The following ADGRL3 variants were observed in gnomAD, a reference collection of about 807,000 sequenced individuals.
ADGRL3 encodes adhesion G protein-coupled receptor L3.
ADGRL3 carries 62 observed loss-of-function variants against 153.5 expected under a neutral mutation model. That is an observed-to-expected ratio of 0.40 (90% CI 0.33 to 0.50). The LOEUF is 0.50. Among genes scored for constraint, ADGRL3 ranks in the 20% least tolerant of loss-of-function variants. ADGRL3 has a pLI of 0.47. For missense variants in ADGRL3, 1,641 were observed against 1,859.4 expected, an observed-to-expected ratio of 0.88 and a Z score of 2.16; for synonymous variants, 710 against 672.5, an observed-to-expected ratio of 1.06 and a Z score of -0.86.
chr4:61,539,874 G>T (rs2098680072), intron 4 of ADGRL3, among the ~76,000 whole-genome samples: 1 of 152,096 alleles, frequency 6.6e-6, no homozygotes, highest in Non-Finnish European at 1.5e-5. Context: ...GAGCCTTTCT[G>T]CTTCCCTTTT....
intron 6 of ADGRL3, among the ~76,000 whole-genome samples, chr4:61,686,530 G>A (rs59147026): frequency 0.027 from 4,041 of 152,032 alleles, 123 homozygotes; most frequent in East Asian, 0.17. Context: ...ACATAATTGT[G>A]CACATTTATG....
intron 2 of ADGRL3, among the ~76,000 whole-genome samples, chr4:61,474,171 A>G (rs1382573261): frequency 6.6e-6 from 1 of 152,198 alleles, no homozygotes; most frequent in Non-Finnish European, 1.5e-5. Context: ...TTTGGTGTGC[A>G]CTGAGAATGT....
chr4:61,848,666 A>C (rs1359531645), intron 9 of ADGRL3, among the ~76,000 whole-genome samples: 1 of 152,066 alleles, frequency 6.6e-6, no homozygotes, highest in Admixed American at 6.6e-5. Context: ...AATTTTATCC[A>C]AGAGACTATT....
intron 2 of ADGRL3, among the ~76,000 whole-genome samples, chr4:61,402,323 A>C (rs556392249): frequency 3.9e-5 from 6 of 152,110 alleles, no homozygotes; most frequent in African/African-American, 1.2e-4. Context: ...ATATTCAAAA[A>C]ATTTTTTTAA....
chr4:61,686,488 T>C (rs1341966776), intron 6 of ADGRL3, among the ~76,000 whole-genome samples: 5 of 152,128 alleles, frequency 3.3e-5, no homozygotes, highest in Non-Finnish European at 5.9e-5. Flanking sequence ...ATTCAAATAC[T>C]TATTTATTAA....
At chr4:61,676,771 T>C in intron 5 of ADGRL3, 55 bp from the exon 6 acceptor site, 1 of 1,156,140 alleles carries the variant, frequency 8.6e-7, no homozygotes, top group Non-Finnish European at 1.3e-6. Flanking sequence ...TTGATGTTGA[T>C]AATAATTTAA....
chr4:61,347,026 C>T (rs1463464832), intron 1 of ADGRL3, among the ~76,000 whole-genome samples: 1 of 151,944 alleles, frequency 6.6e-6, no homozygotes, highest in Non-Finnish European at 1.5e-5. Context: ...TTAGCAAATG[C>T]CCTAGTCTGT....
chr4:62,034,278 A>T (rs990404029), intron 23 of ADGRL3, among the ~76,000 whole-genome samples: 1 of 151,732 alleles, frequency 6.6e-6, no homozygotes, highest in Non-Finnish European at 1.5e-5. Flanking sequence ...AAATAAGTAT[A>T]TACACCCTAT....
chr4:61,369,426 G>A (rs1305139836), intron 1 of ADGRL3, among the ~76,000 whole-genome samples: 1 of 152,126 alleles, frequency 6.6e-6, no homozygotes, highest in Non-Finnish European at 1.5e-5. Flanking sequence ...TTTATTGAGA[G>A]TTTTTAGCAT....
chr4:61,255,044 A>G (rs1237311828), intron 1 of ADGRL3, among the ~76,000 whole-genome samples: 1 of 151,936 alleles, frequency 6.6e-6, no homozygotes, highest in Non-Finnish European at 1.5e-5. Flanking sequence ...ACACAAACTA[A>G]CTCAAATTGC....
intron 6 of ADGRL3, among the ~76,000 whole-genome samples, chr4:61,725,989 G>A (rs940154723): frequency 2.0e-5 from 3 of 152,074 alleles, no homozygotes; most frequent in East Asian, 1.9e-4. Flanking sequence ...GGTGATTCAT[G>A]TGAAAGCATT....
intron 9 of ADGRL3, among the ~76,000 whole-genome samples, chr4:61,862,165 C>G (rs751547190): frequency 6.6e-6 from 1 of 152,082 alleles, no homozygotes; most frequent in East Asian, 1.9e-4. Flanking sequence ...CTTTGTTTCC[C>G]CATGACTTAG....
intron 1 of ADGRL3, among the ~76,000 whole-genome samples, chr4:61,374,717 T>A (rs769103873): frequency 3.3e-5 from 5 of 152,080 alleles, no homozygotes; most frequent in Non-Finnish European, 7.4e-5. Flanking sequence ...CCAGCCAGAT[T>A]TTTTTTTCAC....
chr4:61,880,553 C>A lies in ADGRL3; in HGVS notation c.1481-12103C>A, dbSNP rs145889407. Among the ~76,000 whole-genome samples the A allele has an allele frequency of 2.9e-3, 442 of 152,204 alleles. 3 individuals are homozygous for A. Among genetic ancestry groups the A allele is most frequent in the African/African-American group, 9.9e-3 (412 of 41,532 alleles). On this transcript the variant is annotated intron_variant, in intron 9 of 26. Transcript: ENST00000683033. ...AATAAATTACAGATATTTATTTTGT[C>A]ACTCACCCATTATGCATCTATTGAG...
chr4:61,278,067 G>A (rs2093556693), intron 1 of ADGRL3, among the ~76,000 whole-genome samples: 1 of 152,148 alleles, frequency 6.6e-6, no homozygotes, highest in Admixed American at 6.5e-5. Context: ...ACAGATTAAA[G>A]TAAAATTGGG....
At chr4:61,619,360 A>T (rs2092323068) in intron 5 of ADGRL3, among the ~76,000 whole-genome samples, 1 of 151,992 alleles carries the variant, frequency 6.6e-6, no homozygotes, top group South Asian at 2.1e-4. Context: ...TAATTTATCA[A>T]CTCTGTTAAG....
intron 6 of ADGRL3, among the ~76,000 whole-genome samples, chr4:61,680,322 G>T (rs1418526218): frequency 7.2e-6 from 1 of 138,034 alleles, no homozygotes; most frequent in Non-Finnish European, 1.6e-5. Flanking sequence ...TTTAGTGCTT[G>T]TAGTAATATA....
intron 1 of ADGRL3, among the ~76,000 whole-genome samples, chr4:61,262,232 C>A (rs190113970): frequency 2.0e-5 from 3 of 152,156 alleles, no homozygotes; most frequent in Admixed American, 6.5e-5. Flanking sequence ...ATAATACATT[C>A]TTTTTATTAT....
intron 1 of ADGRL3, among the ~76,000 whole-genome samples, chr4:61,371,607 G>T (rs1344559637): frequency 6.6e-6 from 1 of 152,138 alleles, no homozygotes; most frequent in Non-Finnish European, 1.5e-5. Flanking sequence ...TCTGCTGTTA[G>T]TCTGATGGGC....
Sources: allele counts gnomAD v4.1 joint callset (sites outside exome capture counted in the v4.1 genomes callset), GRCh38; gene constraint gnomAD v4.1.1; transcripts MANE v1.5; gene names NCBI Gene and HGNC (gene_info 2026-07-23, HGNC 2026-07-21).